Variants in HERC2 observed in about 807,000 individuals in gnomAD.
HERC2 encodes HECT and RLD domain containing E3 ubiquitin protein ligase 2, also known as E3 ubiquitin-protein ligase HERC2.
Under a neutral mutation model 537.7 loss-of-function variants are expected in HERC2, and 102 were observed. That is an observed-to-expected ratio of 0.19 (90% CI 0.16 to 0.22). The LOEUF is 0.22. Among genes scored for constraint, HERC2 ranks in the 10% least tolerant of loss-of-function variants. HERC2 has a pLI of 1.00. For missense variants in HERC2, 4,236 were observed against 6,198.2 expected (o/e 0.68, Z 10.63); for synonymous variants, 2,224 against 2,466.2 (o/e 0.90, Z 2.91).
intron 89 of HERC2, among the ~76,000 whole-genome samples, chr15:28,115,098 T>C (rs1888072786): frequency 1.3e-5 from 2 of 150,412 alleles, no homozygotes; most frequent in Admixed American, 1.3e-4. Flanking sequence ...AACACAGCCA[T>C]GGGGAATGAG....
chr15:28,195,534 T>C (rs910621029), intron 52 of HERC2, among the ~76,000 whole-genome samples: 2 of 152,214 alleles, frequency 1.3e-5, no homozygotes, highest in Non-Finnish European at 2.9e-5. Context: ...TTCTGACACA[T>C]GCTACAATAC....
chr15:28,212,339 A>G (rs1899341302), intron 43 of HERC2, 106 bp downstream of exon 43: 1 of 728,298 alleles, frequency 1.4e-6, no homozygotes, highest in Admixed American at 2.3e-5. Context: ...GCCCACGTGA[A>G]CCCCAGGACT....
At chr15:28,247,165 AT>A (rs996128222) in intron 21 of HERC2, among the ~76,000 whole-genome samples, 3,012 of 148,064 alleles carry the variant, frequency 0.02, 99 homozygotes, top group African/African-American at 0.068. Flanking sequence ...TAATTTAAAG[AT>A]TTTTTTTTTT....
At chr15:28,188,526 AGAGT>A (rs1896533759) in intron 55 of HERC2, among the ~76,000 whole-genome samples, 1 of 150,520 alleles carries the variant, frequency 6.6e-6, no homozygotes, top group Admixed American at 6.6e-5. Flanking sequence ...CCTGGGTGAC[AGAGT>A]GAGACTCCGT....
At chr15:28,163,371 A>G (rs532234145) in intron 68 of HERC2, 86 bp from the exon 69 acceptor site, 4 of 1,187,958 alleles carry the variant, frequency 3.4e-6, no homozygotes, top group South Asian at 2.8e-5. Context: ...AACTCAGAGA[A>G]CACATGAATA....
At chr15:28,166,694 ATCCCAATGACCAGTCCACGGGAG>A (rs986377164) in intron 68 of HERC2, among the ~76,000 whole-genome samples, 259 of 152,286 alleles carry the variant, frequency 1.7e-3, no homozygotes, top group African/African-American at 5.9e-3. Context: ...GTCCACAGGG[ATCCCAATGACCAGTCCACGGGAG>A]TCCCAATGAC....
At position 28,135,171 on chromosome 15, in the gene HERC2, G is replaced by A. The variant is rs150755150; in HGVS notation, c.12230+307C>T. 4.8e-3 allele frequency among the ~76,000 whole-genome samples: 734 copies of A among 152,102 alleles called. 6 individuals carry two copies. Among genetic ancestry groups the A allele is most frequent in the Non-Finnish European group, 5.6e-3 (380 of 68,016 alleles). On this transcript the variant is annotated intron_variant, in intron 79 of 92. Coordinates refer to ENST00000261609, the MANE Select transcript of HERC2 (RefSeq NM_004667.6). ...TATTTGCAGTTTTAGTATCACGCAC[G>A]TTACACAAAATGCCAAACGTGATTC...
chr15:28,177,562 A>G lies in HERC2; in HGVS notation c.9164-53T>C. ...CCAAAGGGCAGGGAACAGAAAGCCCACAGCATAGCTAGCTCCCTATTTTGC... is the reference window on the plus strand; with the variant it reads ...CCAAAGGGCAGGGAACAGAAAGCCCGCAGCATAGCTAGCTCCCTATTTTGC... On this transcript the variant is annotated intron_variant, in intron 59 of 92. Transcript: ENST00000261609. The surrounding 1 kb of genome is among the most constrained non-coding windows in gnomAD (Gnocchi z 5.0). 3 of 1,528,350 alleles carry G rather than the reference A, an allele frequency of 2.0e-6. No homozygotes were observed. The highest frequency in any genetic ancestry group is 2.7e-6 in the Non-Finnish European group (3 of 1,102,436). 94.7% of individuals were successfully genotyped at this position (1,528,350 alleles called of 1,614,324 possible). A position where few individuals can be genotyped will look rare whatever the true frequency, so the allele number is the denominator to read the frequency against.
At chr15:28,166,092 T>A (rs1465040459) in intron 68 of HERC2, among the ~76,000 whole-genome samples, 1 of 152,208 alleles carries the variant, frequency 6.6e-6, no homozygotes, top group East Asian at 1.9e-4. Flanking sequence ...TTCTACCAAC[T>A]ACTTAAAGAA....
intron 2 of HERC2, among the ~76,000 whole-genome samples, chr15:28,309,278 T>C (rs1210383670): frequency 6.6e-6 from 1 of 152,248 alleles, no homozygotes; most frequent in Non-Finnish European, 1.5e-5. Context: ...CTCCATCTAT[T>C]AATGTGTTAA....
At chr15:28,288,672 CCT>C (rs1251273451) in intron 4 of HERC2, among the ~76,000 whole-genome samples, 1 of 151,254 alleles carries the variant, frequency 6.6e-6, no homozygotes, top group Non-Finnish European at 1.5e-5. Flanking sequence ...ACAGTGAAAC[CCT>C]GTCTCTACTA....
At chr15:28,236,276 T>C (rs1414077641) in intron 26 of HERC2, among the ~76,000 whole-genome samples, 2 of 152,030 alleles carry the variant, frequency 1.3e-5, no homozygotes, top group Admixed American at 1.3e-4. Context: ...ATTTTTATCA[T>C]CATCAGCTGT....
At chr15:28,194,011 G>T (rs1235485260) in intron 52 of HERC2, among the ~76,000 whole-genome samples, 1 of 150,134 alleles carries the variant, frequency 6.7e-6, no homozygotes, top group Non-Finnish European at 1.5e-5. Context: ...AAATCTAAAT[G>T]AATATTGACT....
At chr15:28,193,214 T>C (rs1356177931) in intron 52 of HERC2, among the ~76,000 whole-genome samples, 3 of 152,160 alleles carry the variant, frequency 2.0e-5, no homozygotes, top group African/African-American at 7.2e-5. Flanking sequence ...AGGCTCCATA[T>C]ATTGGAGTTA....
At chr15:28,272,444 T>C (rs935321211) in intron 8 of HERC2, 58 bp from the exon 9 acceptor site, 19 of 1,485,814 alleles carry the variant, frequency 1.3e-5, no homozygotes, top group African/African-American at 9.8e-5. Context: ...TTCTTCACAG[T>C]TGATCAAAAA....
intron 55 of HERC2, among the ~76,000 whole-genome samples, chr15:28,187,071 CA>C (rs749667609): frequency 2.6e-5 from 4 of 152,292 alleles, no homozygotes; most frequent in South Asian, 4.1e-4. Context: ...TTTCTTGAAC[CA>C]AGATGCTTTA....
intron 78 of HERC2, among the ~76,000 whole-genome samples, chr15:28,137,838 T>G (rs1414398861): frequency 2.0e-5 from 3 of 152,308 alleles, no homozygotes; most frequent in East Asian, 3.9e-4. Flanking sequence ...GATTAGTGAG[T>G]AAGGCACACT....
chr15:28,257,284 A>G (rs754983021), intron 16 of HERC2, 23 bp from the exon 17 acceptor site: 1 of 1,604,016 alleles, frequency 6.2e-7, no homozygotes, highest in Admixed American at 1.7e-5. Flanking sequence ...GCAACAATCT[A>G]AAATGAATCT....
chr15:28,152,376 A>T (rs960115186), intron 70 of HERC2, among the ~76,000 whole-genome samples: 7 of 152,248 alleles, frequency 4.6e-5, no homozygotes, highest in African/African-American at 1.7e-4. Context: ...TCAGAGGAAC[A>T]TCAGGGGATA....
Sources: gnomAD v4.1 joint callset for allele counts (sites outside exome capture counted in the v4.1 genomes callset) on GRCh38, gnomAD v4.1.1 for gene constraint, Gnocchi (gnomAD v3.1) non-coding constraint, MANE v1.5 for transcripts, NCBI Gene and HGNC (gene_info 2026-07-23, HGNC 2026-07-21) for gene names.